Variants in KIRREL3 observed in about 807,000 individuals in gnomAD.
The protein encoded by KIRREL3 is kirre like nephrin family adhesion molecule 3.
KIRREL3 carries 36 observed loss-of-function variants against 89.7 expected under a neutral mutation model. That is an observed-to-expected ratio of 0.40 (90% CI 0.31 to 0.53). KIRREL3 has a LOEUF of 0.53. KIRREL3 is among the 20% of genes least tolerant of loss of function. The pLI is 0.49. For synonymous variants in KIRREL3, 445 were observed against 441.4 expected (o/e 1.01, Z -0.10); for missense variants, 864 against 1,056.6 (o/e 0.82, Z 2.53).
chr11:126,567,378 C>A (rs867977367), intron 1 of KIRREL3, among the ~76,000 whole-genome samples: 2 of 152,200 alleles, frequency 1.3e-5, no homozygotes, highest in East Asian at 1.9e-4. Context: ...TCCCTCCCAG[C>A]CCTCAGAAGG....
intron 1 of KIRREL3, among the ~76,000 whole-genome samples, chr11:126,672,239 GTTGGAC>G (rs2135061884): frequency 6.6e-6 from 1 of 152,304 alleles, no homozygotes; most frequent in East Asian, 1.9e-4. Context: ...TATTGGCTCA[GTTGGAC>G]TTGATTATAT....
chr11:126,426,401 A>G (rs1257106381), intron 15 of KIRREL3, among the ~76,000 whole-genome samples: 1 of 152,170 alleles, frequency 6.6e-6, no homozygotes, highest in Admixed American at 6.5e-5. Context: ...AGTGCTTTGC[A>G]TGTTGTGGTC....
intron 1 of KIRREL3, among the ~76,000 whole-genome samples, chr11:126,894,903 A>T (rs1300705793): frequency 6.6e-6 from 1 of 152,152 alleles, no homozygotes; most frequent in Non-Finnish European, 1.5e-5. Flanking sequence ...AAATGACTAG[A>T]CACACAGTGG....
intron 1 of KIRREL3, among the ~76,000 whole-genome samples, chr11:126,672,500 T>A (rs1946000246): frequency 6.6e-6 from 1 of 152,218 alleles, no homozygotes; most frequent in South Asian, 2.1e-4. Flanking sequence ...TGATTCCATT[T>A]ATATGACACT....
rs1379538238 is a variant in KIRREL3, at chr11:126,683,394, C to T, written c.56-120482G>A. Among the ~76,000 whole-genome samples the T allele has an allele frequency of 6.6e-6, 1 of 152,126 alleles. No individual in the cohort carries two copies. The highest frequency in any genetic ancestry group is 2.4e-5 in the African/African-American group (1 of 41,414). On this transcript the variant is annotated intron_variant, in intron 1 of 16. Coordinates refer to ENST00000525144, the MANE Select transcript of KIRREL3 (RefSeq NM_032531.4). The surrounding 1 kb of genome is among the most constrained non-coding windows in gnomAD (Gnocchi z 5.2). ...GTCTCTGGACAGCTCCCCAGAGGGC[C>T]GTGGTCCACAAAGGGAAACACTGTC...
chr11:126,509,856 G>A (rs1958146572), intron 4 of KIRREL3, among the ~76,000 whole-genome samples: 1 of 151,872 alleles, frequency 6.6e-6, no homozygotes, highest in Non-Finnish European at 1.5e-5. Context: ...AATTAGCTGG[G>A]CGTGGTGGTG....
chr11:126,726,703 C>T (rs1416211620), intron 1 of KIRREL3, among the ~76,000 whole-genome samples: 2 of 152,202 alleles, frequency 1.3e-5, no homozygotes, highest in African/African-American at 4.8e-5. Context: ...TGAGAGGATC[C>T]AGTCTACCTT....
Position 126,520,747 on chromosome 11 carries a change from T to G in KIRREL3, c.433+568A>C, listed in dbSNP as rs11607750. 0.27 allele frequency among the ~76,000 whole-genome samples: 41,743 copies of G among 151,968 alleles called. 6,922 individuals carry two copies. Among genetic ancestry groups the G allele is most frequent in the African/African-American group, 0.46 (18,906 of 41,402 alleles). The stretch of plus-strand genomic sequence containing the variant: ...TCAAGGGGAAAAGTATGATTTGGAA[T>G]AAGGACCTGAAATGAATTTTCCTAG... On this transcript the variant is annotated intron_variant, in intron 4 of 16. Transcript: ENST00000525144. This position sits in a 1 kb window ranked among gnomAD's most constrained non-coding sequence, Gnocchi z 4.9.
rs186906200 is a variant in KIRREL3 at position 126,645,377 on chromosome 11, G to A, written c.56-82465C>T. Among the ~76,000 whole-genome samples the A allele has an allele frequency of 2.8e-4, 43 of 152,274 alleles. No homozygotes were observed. Among genetic ancestry groups the A allele is most frequent in the African/African-American group, 1.0e-3 (42 of 41,572 alleles). On this transcript the variant is annotated intron_variant, in intron 1 of 16. Transcript: ENST00000525144. This position sits in a 1 kb window ranked among gnomAD's most constrained non-coding sequence, Gnocchi z 4.9. ...ATTTACCACACGGTGCTGCTGGTAT[G>A]CCAGCCTTTCTCCTTCCACCGTGAG...
chr11:126,451,048 TG>T (rs1956088704), intron 7 of KIRREL3, among the ~76,000 whole-genome samples: 1 of 150,572 alleles, frequency 6.6e-6, no homozygotes. Context: ...TGTGTGAGCA[TG>T]TGCATGTGTG....
rs1033481753 is a variant in KIRREL3, at chr11:126,997,569, A to G, written c.55+2886T>C. Among the ~76,000 whole-genome samples the G allele has an allele frequency of 1.3e-5, 2 of 152,228 alleles. No individual in the cohort carries two copies. Among genetic ancestry groups the G allele is most frequent in the African/African-American group, 4.8e-5 (2 of 41,474 alleles). On this transcript the variant is annotated intron_variant, in intron 1 of 16. Transcript: ENST00000525144. The surrounding 1 kb of genome is among the most constrained non-coding windows in gnomAD (Gnocchi z 4.3). ...TCAAAGAATAGGGACCCACCATATT[A>G]CTGATATTAATTATACATTGATTTC...
intron 2 of KIRREL3, among the ~76,000 whole-genome samples, chr11:126,546,842 C>T (rs73634632): frequency 0.033 from 5,021 of 152,146 alleles, 233 homozygotes; most frequent in African/African-American, 0.1. Flanking sequence ...ACAACAAATG[C>T]GTGGAGGAAA....
In KIRREL3 at chr11:126,571,834, G is replaced by A. The variant is rs924976627; in HGVS notation, c.56-8922C>T. ...ACAGTTTTATCCCATGTGCAAGGAT[G>A]CCTCAGCCCGTCTCTGATTTAACGT... On this transcript the variant is annotated intron_variant, in intron 1 of 16. Transcript: ENST00000525144. This position sits in a 1 kb window ranked among gnomAD's most constrained non-coding sequence, Gnocchi z 7.7. Among the ~76,000 whole-genome samples, 1 of 152,196 alleles carries A rather than the reference G, an allele frequency of 6.6e-6. No individual in the cohort carries two copies. The highest frequency in any genetic ancestry group is 2.4e-5 in the African/African-American group (1 of 41,446).
rs1334014271 is a variant in KIRREL3, at chr11:126,761,409, C to G, written c.56-198497G>C. Among the ~76,000 whole-genome samples, 1 of 152,186 alleles carries G rather than the reference C, an allele frequency of 6.6e-6. No individual in the cohort carries two copies. Among genetic ancestry groups the G allele is most frequent in the Non-Finnish European group, 1.5e-5 (1 of 68,034 alleles). ...TTGCCTGCTTGTCCCCAGCAAAGGG[C>G]AGTGTCCAGAGTCCATTCTTCCTGC... On this transcript the variant is annotated intron_variant, in intron 1 of 16. Transcript: ENST00000525144. This position sits in a 1 kb window ranked among gnomAD's most constrained non-coding sequence, Gnocchi z 4.4.
rs1944531414 is a variant in KIRREL3, at chr11:126,643,015, C to CATCCATCCATCA, written c.56-80104_56-80103insTGATGGATGGAT. Among the ~76,000 whole-genome samples the CATCCATCCATCA allele has an allele frequency of 6.6e-6, 1 of 151,914 alleles. No individual in the cohort carries two copies. The highest frequency in any genetic ancestry group is 2.1e-4 in the South Asian group (1 of 4,816). ...CCATCCATCCATCCATCCATCCATC[C>CATCCATCCATCA]ATCTATCCATCCATCCAATGCAAGG... On this transcript the variant is annotated intron_variant, in intron 1 of 16. Transcript: ENST00000525144. The surrounding 1 kb of genome is among the most constrained non-coding windows in gnomAD (Gnocchi z 4.5).
rs1950004934 is a variant in KIRREL3, at chr11:126,990,483, C to G, written c.55+9972G>C. 6.6e-6 allele frequency among the ~76,000 whole-genome samples: 1 copy of G among 152,206 alleles called. No individual in the cohort carries two copies. Among genetic ancestry groups the G allele is most frequent in the African/African-American group, 2.4e-5 (1 of 41,444 alleles). ...GGCAGCCACTAGGCTTTCCCCTTCCCCGTCCTAAGGGACCTCCCGGGCTCT... is the reference window on the plus strand; with the variant it reads ...GGCAGCCACTAGGCTTTCCCCTTCCGCGTCCTAAGGGACCTCCCGGGCTCT... On this transcript the variant is annotated intron_variant, in intron 1 of 16. Coordinates refer to ENST00000525144, the MANE Select transcript of KIRREL3 (RefSeq NM_032531.4). This position sits in a 1 kb window ranked among gnomAD's most constrained non-coding sequence, Gnocchi z 6.3.
Position 126,656,079 on chromosome 11 carries a change from G to GACT in KIRREL3, c.56-93170_56-93168dup. The GACT allele has an allele frequency of 4.4e-6, 2 of 453,704 alleles. No individual in the cohort carries two copies. The highest frequency in any genetic ancestry group is 4.7e-5 in the Admixed American group (2 of 42,424). 28.1% of individuals were successfully genotyped at this position (453,704 alleles called of 1,614,324 possible). On this transcript the variant is annotated intron_variant, in intron 1 of 16. Transcript: ENST00000525144. The surrounding 1 kb of genome is among the most constrained non-coding windows in gnomAD (Gnocchi z 4.0). ...GTCCTGTGGATTCACTAGATTCTGG[G>GACT]ACTATACCTTATCTATGCTGTGCAA...
At chr11:126,920,589 T>G (rs2134969918) in intron 1 of KIRREL3, 1 of 152,348 alleles carries the variant, frequency 6.6e-6, no homozygotes, top group Non-Finnish European at 1.5e-5. Flanking sequence ...TAGCATCCTA[T>G]TTTTCCTGAT....
At chr11:126,716,276 G>A (rs1213294747) in intron 1 of KIRREL3, among the ~76,000 whole-genome samples, 2 of 152,192 alleles carry the variant, frequency 1.3e-5, no homozygotes, top group Non-Finnish European at 2.9e-5. Context: ...GAAGAGCAAA[G>A]CAGCTAATAT....
Sources: gnomAD v4.1 joint callset for allele counts (sites outside exome capture counted in the v4.1 genomes callset) on GRCh38, gnomAD v4.1.1 for gene constraint, Gnocchi (gnomAD v3.1) non-coding constraint, MANE v1.5 for transcripts, NCBI Gene and HGNC (gene_info 2026-07-23, HGNC 2026-07-21) for gene names.